The following CLASP2 variants were observed in gnomAD, a reference collection of about 807,000 sequenced individuals.
CLASP2 encodes CLIP-associating protein 2.
Under a neutral mutation model 194.4 loss-of-function variants are expected in CLASP2, and 47 were observed. The ratio of observed to expected loss-of-function variants is 0.24; its 90% CI spans 0.19 to 0.31. The LOEUF (loss-of-function observed/expected upper bound fraction) is 0.31. Ranked by LOEUF, CLASP2 falls within the 10% of genes least tolerant of loss-of-function variation. The probability of loss-of-function intolerance (pLI) is 1.00; values close to 1 mark genes in which losing one functional copy is unlikely to be tolerated. For missense variants in CLASP2, 1,445 were observed against 1,823.6 expected (o/e 0.79, Z 3.78); for synonymous variants, 619 against 633.5 (o/e 0.98, Z 0.34).
chr3:33,548,582 A>G (rs1462084714), intron 30 of CLASP2, among the ~76,000 whole-genome samples: 6 of 152,096 alleles, frequency 3.9e-5, no homozygotes, highest in Non-Finnish European at 5.9e-5. Flanking sequence ...GGCGTTAGCC[A>G]CTGTGCCCAG....
intron 32 of CLASP2, among the ~76,000 whole-genome samples, chr3:33,542,317 T>C (rs2058489327): frequency 6.7e-6 from 1 of 148,714 alleles, no homozygotes; most frequent in African/African-American, 2.4e-5. Flanking sequence ...TATATATGTT[T>C]ATATATATAA....
intron 21 of CLASP2, among the ~76,000 whole-genome samples, chr3:33,590,610 T>C (rs929481863): frequency 2.0e-5 from 3 of 152,208 alleles, no homozygotes; most frequent in East Asian, 1.9e-4. Flanking sequence ...TTCCCATTCA[T>C]AAATAACCCT....
intron 23 of CLASP2, among the ~76,000 whole-genome samples, chr3:33,580,867 T>A (rs1418557341): frequency 1.3e-5 from 2 of 151,010 alleles, no homozygotes; most frequent in Non-Finnish European, 3.0e-5. Flanking sequence ...TACAAAAAAA[T>A]TAGCCGGGCG....
In CLASP2 at chr3:33,607,591, C is replaced by T. The variant is rs1190211532; in HGVS notation, c.1449-130G>A. 8 of 555,120 alleles carry T rather than the reference C, an allele frequency of 1.4e-5. No homozygotes were observed. The South Asian group carries it at 1.8e-4, about 13-fold the overall frequency. 34.4% of individuals were successfully genotyped at this position (555,120 alleles called of 1,614,324 possible). A position where few individuals can be genotyped will look rare whatever the true frequency, so the allele number is the denominator to read the frequency against. On this transcript the variant is annotated intron_variant, in intron 14 of 38. Transcript: ENST00000682230. ...AGGAAAATAAAAATTAATTAGTGTA[C>T]AATAATAAATCTAAGACCATAAGAT...
chr3:33,584,618 G>T, intron 22 of CLASP2, 132 bp downstream of exon 22: 1 of 834,364 alleles, frequency 1.2e-6, no homozygotes, highest in Non-Finnish European at 1.7e-6. Context: ...TTCTTCAATT[G>T]TTGAATTTTT....
At chr3:33,572,129 C>T (rs2063899871) in intron 25 of CLASP2, among the ~76,000 whole-genome samples, 1 of 152,134 alleles carries the variant, frequency 6.6e-6, no homozygotes, top group Non-Finnish European at 1.5e-5. Flanking sequence ...TTTAAAATGA[C>T]CAACACATGA....
intron 13 of CLASP2, among the ~76,000 whole-genome samples, chr3:33,610,869 T>G (rs2075035205): frequency 6.6e-6 from 1 of 152,236 alleles, no homozygotes. Flanking sequence ...AATGTCTTAT[T>G]CAGCTTCTTC....
intron 34 of CLASP2, among the ~76,000 whole-genome samples, chr3:33,526,399 G>T (rs898973677): frequency 6.6e-6 from 1 of 152,172 alleles, no homozygotes; most frequent in African/African-American, 2.4e-5. Flanking sequence ...ATTACATAAT[G>T]GAAAAGGGTT....
intron 34 of CLASP2, among the ~76,000 whole-genome samples, chr3:33,525,290 T>C (rs182208969): frequency 4.0e-5 from 6 of 151,838 alleles, no homozygotes; most frequent in East Asian, 1.9e-4. Flanking sequence ...GCTATAAATG[T>C]GTTAACTTAA....
chr3:33,571,015 A>ATTTTTT lies in CLASP2; in HGVS notation c.2700-231_2700-226dup, dbSNP rs1027731514. Reference sequence around the variant, plus strand: ...AGATGGCAAGATCCTGTCTCTATAAATTTTTTTTTTTTTTTTTTGAGACGG... The same window carrying ATTTTTT: ...AGATGGCAAGATCCTGTCTCTATAAATTTTTTTTTTTTTTTTTTTTTTTTGAGACGG... On this transcript the variant is annotated intron_variant, in intron 25 of 38. Coordinates refer to ENST00000682230, the MANE Select transcript of CLASP2 (RefSeq NM_001365631.1). Among the ~76,000 whole-genome samples the ATTTTTT allele has an allele frequency of 1.1e-4, 14 of 123,926 alleles. 1 individual carries two copies. Among genetic ancestry groups the ATTTTTT allele is most frequent in the East Asian group, 7.7e-4 (3 of 3,910 alleles). 81.3% of individuals were successfully genotyped at this position (123,926 alleles called of 152,430 possible). A position where few individuals can be genotyped will look rare whatever the true frequency, so the allele number is the denominator to read the frequency against.
intron 34 of CLASP2, among the ~76,000 whole-genome samples, chr3:33,521,278 C>T (rs2053005084): frequency 2.6e-5 from 4 of 151,882 alleles, no homozygotes; most frequent in Admixed American, 2.6e-4. Flanking sequence ...AATATGTAAC[C>T]TGTTTAAAAA....
At chr3:33,678,146 A>G (rs1443640650) in intron 6 of CLASP2, among the ~76,000 whole-genome samples, 1 of 152,092 alleles carries the variant, frequency 6.6e-6, no homozygotes, top group East Asian at 1.9e-4. Flanking sequence ...TGGAACATAC[A>G]TGTTAATGGG....
chr3:33,708,524 G>GTATGTA (rs2092827334), intron 1 of CLASP2, among the ~76,000 whole-genome samples: 1 of 100,144 alleles, frequency 1.0e-5, no homozygotes, highest in African/African-American at 4.2e-5. Flanking sequence ...ATGTATATAT[G>GTATGTA]TATATATATA....
rs1174220067 is a variant in CLASP2, at chr3:33,693,747, G to C, written c.274+3108C>G. 3.3e-5 allele frequency among the ~76,000 whole-genome samples: 5 copies of C among 152,118 alleles called. No homozygotes were observed. In the East Asian group the frequency reaches 9.6e-4, roughly 29 times the overall value. Reference sequence around the variant, plus strand: ...GTATATTACCCTAAAGTAATAACAAGTTCAAGTTTCATTAAGGAAAATGAT... The same window carrying C: ...GTATATTACCCTAAAGTAATAACAACTTCAAGTTTCATTAAGGAAAATGAT... On this transcript the variant is annotated intron_variant, in intron 2 of 38. Transcript: ENST00000682230.
At chr3:33,558,613 T>C (rs780593122) in intron 29 of CLASP2, 6 of 152,076 alleles carry the variant, frequency 3.9e-5, no homozygotes, top group Non-Finnish European at 8.8e-5. Context: ...GGAATCCATT[T>C]AGTTTTCATA....
intron 12 of CLASP2, among the ~76,000 whole-genome samples, chr3:33,617,951 ATTT>A (rs34651802): frequency 3.4e-5 from 4 of 116,520 alleles, no homozygotes; most frequent in African/African-American, 8.8e-5. Context: ...ATATATATAT[ATTT>A]TTTTTTTTTT....
intron 30 of CLASP2, among the ~76,000 whole-genome samples, chr3:33,548,918 C>T (rs1025648482): frequency 6.6e-6 from 1 of 151,798 alleles, no homozygotes; most frequent in African/African-American, 2.4e-5. Context: ...CAGGCATGCA[C>T]CACCATACCC....
chr3:33,559,024 A>C, intron 29 of CLASP2: 5 of 468,590 alleles, frequency 1.1e-5, no homozygotes, highest in South Asian at 1.0e-4. Context: ...AAATGTGTGC[A>C]TGCGTAAAAG....
chr3:33,677,856 G>A (rs1281948118), intron 6 of CLASP2, among the ~76,000 whole-genome samples: 1 of 146,678 alleles, frequency 6.8e-6, no homozygotes, highest in African/African-American at 2.5e-5. Flanking sequence ...CAAAGAATGA[G>A]GCAGATAGCA....
Sources: gnomAD v4.1 joint callset for allele counts (sites outside exome capture counted in the v4.1 genomes callset) on GRCh38, gnomAD v4.1.1 for gene constraint, MANE v1.5 for transcripts, NCBI Gene and HGNC (gene_info 2026-07-23, HGNC 2026-07-21) for gene names.